The following MOBP variants were observed in gnomAD, a reference collection of about 807,000 sequenced individuals.
MOBP encodes the protein myelin associated oligodendrocyte basic protein.
MOBP carries 5 observed loss-of-function variants against 15.0 expected under a neutral mutation model. The observed-to-expected ratio is 0.33, with a 90% CI of 0.17 to 0.70. The LOEUF (loss-of-function observed/expected upper bound fraction) is 0.70, where lower values mean the gene tolerates loss of function less well. Among genes scored for constraint, MOBP ranks in the 30% least tolerant of loss-of-function variants. The probability of loss-of-function intolerance (pLI) is 0.67; values close to 1 mark genes in which losing one functional copy is unlikely to be tolerated. For synonymous variants in MOBP, 88 were observed against 99.0 expected (o/e 0.89, Z 0.66); for missense variants, 188 against 257.8 (o/e 0.73, Z 1.85).
At chr3:39,470,739 C>T (rs1371707718) in intron 1 of MOBP, among the ~76,000 whole-genome samples, 1 of 152,054 alleles carries the variant, frequency 6.6e-6, no homozygotes, top group Non-Finnish European at 1.5e-5. Flanking sequence ...GTTTTTCCTC[C>T]TCTTTGTTAA....
chr3:39,469,130 GTGTGTGTATATACATATATACATA>G lies in MOBP; in HGVS notation c.-89+1398_-89+1421del, dbSNP rs1559412150. On this transcript the variant is annotated intron_variant, in intron 1 of 3. Transcript: ENST00000684792. ...TGTGTATATATACATATATACATAT[GTGTGTGTATATACATATATACATA>G]TGTGTGTGTGTATACATATATACAT... is the stretch of plus-strand genomic sequence containing the variant. 2.9e-4 allele frequency among the ~76,000 whole-genome samples: 22 copies of G among 75,320 alleles called. 2 individuals carry two copies. Among genetic ancestry groups the G allele is most frequent in the South Asian group, 8.0e-4 (2 of 2,498 alleles). 49.4% of individuals were successfully genotyped at this position (75,320 alleles called of 152,430 possible).
At chr3:39,489,631 C>T (rs1428338558) in intron 2 of MOBP, among the ~76,000 whole-genome samples, 1 of 152,132 alleles carries the variant, frequency 6.6e-6, no homozygotes, top group Non-Finnish European at 1.5e-5. Context: ...CCAAGAATTG[C>T]TCTCCAGGGT....
At chr3:39,490,101 A>G (rs2042773815) in intron 2 of MOBP, among the ~76,000 whole-genome samples, 1 of 152,190 alleles carries the variant, frequency 6.6e-6, no homozygotes, top group Non-Finnish European at 1.5e-5. Context: ...CTCTTCTTTA[A>G]TAAGCTAGGC....
At chr3:39,483,682 G>A (rs80322842) in intron 2 of MOBP, among the ~76,000 whole-genome samples, 3 of 152,050 alleles carry the variant, frequency 2.0e-5, no homozygotes, top group Admixed American at 1.3e-4. Flanking sequence ...TTTTACCTAC[G>A]TATGTGTACA....
downstream of MOBP, among the ~76,000 whole-genome samples, chr3:39,517,509 C>G (rs1282004033): frequency 6.6e-6 from 1 of 152,156 alleles, no homozygotes; most frequent in African/African-American, 2.4e-5. Context: ...TGTTTAGTGT[C>G]TATGTTGACT....
rs1483269188 is a variant in MOBP at position 39,502,392 on chromosome 3, C to G, written c.206+117C>G. 1 of 1,539,378 alleles carries G rather than the reference C, an allele frequency of 6.5e-7. No homozygotes were observed. The highest frequency in any genetic ancestry group is 1.2e-5 in the South Asian group (1 of 81,932). ...CCCCTAGTCGGCTCCGGGTTAGGCT[C>G]CGACACCGGAAGGCACTCCAGGGAG... On this transcript the variant is annotated intron_variant, in intron 3 of 3. Transcript: ENST00000684792. This position sits in a 1 kb window ranked among gnomAD's most constrained non-coding sequence, Gnocchi z 6.3.
intron 2 of MOBP, among the ~76,000 whole-genome samples, chr3:39,491,285 A>G (rs1282379925): frequency 6.6e-5 from 10 of 152,024 alleles, no homozygotes; most frequent in African/African-American, 2.4e-4. Context: ...AATTAATCTC[A>G]CCGGTCACTC....
chr3:39,509,297 A>T (rs2043089641), intron 4 of MOBP, among the ~76,000 whole-genome samples: 1 of 152,196 alleles, frequency 6.6e-6, no homozygotes, highest in Non-Finnish European at 1.5e-5. Context: ...ACTTCTAAGA[A>T]ACAGCTAAAT....
intron 1 of MOBP, among the ~76,000 whole-genome samples, chr3:39,472,786 C>T (rs1366173195): frequency 2.6e-5 from 4 of 152,266 alleles, no homozygotes; most frequent in East Asian, 1.9e-4. Flanking sequence ...ATTAACCAAG[C>T]GTGGTGGTGC....
chr3:39,481,931 C>T (rs1707958), intron 2 of MOBP, among the ~76,000 whole-genome samples: 41,644 of 151,982 alleles, frequency 0.27, 7,277 homozygotes, highest in African/African-American at 0.49. Flanking sequence ...TCTACCTCTC[C>T]CATTCAGCCA....
exon 5 of MOBP, chr3:39,513,483 C>T (rs1014687735): frequency 4.6e-6 from 7 of 1,509,822 alleles, no homozygotes; most frequent in Non-Finnish European, 6.4e-6. Context: ...CTTCACAACC[C>T]ATCTACCCCT....
intron 1 of MOBP, among the ~76,000 whole-genome samples, chr3:39,468,735 T>C (rs1322862979): frequency 8.4e-6 from 1 of 119,166 alleles, no homozygotes; most frequent in Non-Finnish European, 1.6e-5. Flanking sequence ...TATATACATA[T>C]GTGTGTGTAT....
downstream of MOBP, chr3:39,527,791 C>T (rs530085024): frequency 6.6e-6 from 1 of 152,340 alleles, no homozygotes; most frequent in African/African-American, 2.4e-5. Context: ...AACAGCGTAT[C>T]TATGTATCAT....
Position 39,502,083 on chromosome 3 carries a change from C to A in MOBP, c.14C>A (p.Pro5Gln). The A allele has an allele frequency of 6.2e-7, 1 of 1,613,890 alleles. No homozygotes were observed. MSQK[P>Q]AKEGPRLSKN... ...ATTTCCAGTGAGATGAGTCAGAAAC[C>A]GGCCAAGGAGGGTCCCAGACTCTCC... is the stretch of plus-strand genomic sequence containing the variant. Residue 5 changes from proline (P) to glutamine (Q), a missense_variant, in exon 3 of 4, where the codon CCG becomes CAG. Pro to Gln is a moderately conservative substitution (Grantham distance 76, BLOSUM62 -1). Transcript: ENST00000684792. This position sits in a 1 kb window ranked among gnomAD's most constrained non-coding sequence, Gnocchi z 6.3.
intron 2 of MOBP, among the ~76,000 whole-genome samples, chr3:39,491,400 T>C (rs1429026222): frequency 6.6e-6 from 1 of 152,218 alleles, no homozygotes; most frequent in Non-Finnish European, 1.5e-5. Context: ...CAGGGTTAAA[T>C]AGATGAATAA....
intron 1 of MOBP, among the ~76,000 whole-genome samples, chr3:39,476,187 T>C (rs1381081355): frequency 6.6e-6 from 1 of 152,134 alleles, no homozygotes; most frequent in African/African-American, 2.4e-5. Flanking sequence ...GAACTCACTA[T>C]CGTGAGGACA....
downstream of MOBP, among the ~76,000 whole-genome samples, chr3:39,517,135 C>T (rs542447232): frequency 1.3e-5 from 2 of 152,252 alleles, no homozygotes; most frequent in Admixed American, 6.5e-5. Context: ...GTCAGGTGTG[C>T]AGTTGTTACT....
intron 2 of MOBP, among the ~76,000 whole-genome samples, chr3:39,493,237 C>T (rs571278289): frequency 2.1e-4 from 32 of 152,206 alleles, no homozygotes; most frequent in African/African-American, 7.0e-4. Flanking sequence ...TAGGGAATGG[C>T]GAAGCTGTGT....
chr3:39,498,436 C>T (rs2042917786), intron 2 of MOBP, among the ~76,000 whole-genome samples: 2 of 152,014 alleles, frequency 1.3e-5, no homozygotes, highest in Non-Finnish European at 2.9e-5. Context: ...CTGCAATCTC[C>T]GCCTCCCGGG....
Sources: allele counts gnomAD v4.1 joint callset (sites outside exome capture counted in the v4.1 genomes callset), GRCh38; gene constraint gnomAD v4.1.1; non-coding constraint Gnocchi (gnomAD v3.1); transcripts MANE v1.5; gene names NCBI Gene and HGNC (gene_info 2026-07-23, HGNC 2026-07-21).